APBA1: variants seen among roughly 807,000 people sequenced by gnomAD.
APBA1 encodes amyloid beta precursor protein binding family A member 1, also known as amyloid-beta A4 precursor protein-binding family A member 1.
A neutral mutation model predicts 86.6 loss-of-function variants in APBA1; 55 were observed. The ratio of observed to expected loss-of-function variants is 0.64; its 90% confidence interval spans 0.51 to 0.80. The LOEUF (loss-of-function observed/expected upper bound fraction) is 0.80, where lower values mean the gene tolerates loss of function less well. Ranked by LOEUF, APBA1 falls within the 30% of genes least tolerant of loss-of-function variation. APBA1 has a pLI of 0.00. For missense variants in APBA1, 1,090 were observed against 1,183.0 expected, an observed-to-expected ratio of 0.92 and a Z score of 1.15; for synonymous variants, 511 against 493.9, an observed-to-expected ratio of 1.03 and a Z score of -0.46.
chr9:69,647,515 T>G (rs1397912804), intron 1 of APBA1, among the ~76,000 whole-genome samples: 1 of 152,216 alleles, frequency 6.6e-6, no homozygotes, highest in Non-Finnish European at 1.5e-5. Flanking sequence ...CTTCCAAATC[T>G]TACACATAAT....
At chr9:69,467,580 G>C (rs1268401855) in intron 5 of APBA1, among the ~76,000 whole-genome samples, 1 of 152,194 alleles carries the variant, frequency 6.6e-6, no homozygotes, top group Non-Finnish European at 1.5e-5. Context: ...TTGTGATCAT[G>C]AGCACTTCTT....
At chr9:69,578,903 T>C (rs947382640) in intron 1 of APBA1, among the ~76,000 whole-genome samples, 5 of 152,172 alleles carry the variant, frequency 3.3e-5, no homozygotes, top group African/African-American at 7.2e-5. Flanking sequence ...TTAGCATATA[T>C]TAGGCACTGA....
intron 2 of APBA1, among the ~76,000 whole-genome samples, chr9:69,493,529 CCTCA>C (rs1835747982): frequency 6.6e-6 from 1 of 152,026 alleles, no homozygotes; most frequent in Non-Finnish European, 1.5e-5. Flanking sequence ...TCTTAAGGTG[CCTCA>C]CTGTCTCCCT....
At chr9:69,606,520 C>A (rs1822477724) in intron 1 of APBA1, among the ~76,000 whole-genome samples, 1 of 106,354 alleles carries the variant, frequency 9.4e-6, no homozygotes, top group Non-Finnish European at 1.7e-5. Flanking sequence ...GAAATGGAGT[C>A]TCGCTCTGTC....
intron 1 of APBA1, among the ~76,000 whole-genome samples, chr9:69,536,630 G>A (rs1001429582): frequency 2.5e-4 from 38 of 150,346 alleles, no homozygotes; most frequent in African/African-American, 9.3e-4. Flanking sequence ...ACTTTGGGAG[G>A]CTGAGGCGGG....
intron 1 of APBA1, among the ~76,000 whole-genome samples, chr9:69,571,730 C>A (rs978003144): frequency 6.6e-6 from 1 of 152,128 alleles, no homozygotes; most frequent in Admixed American, 6.5e-5. Flanking sequence ...AATGCTCATA[C>A]AATATTCCAT....
rs572974303 is a variant in APBA1 at position 69,598,356 on chromosome 9, C to A, written c.-70+73797G>T. ...CTAGGTGACGAGTTAGTGGGTGCAG[C>A]GCACCAGCATGGCACATGTATACAT... On this transcript the variant is annotated intron_variant, in intron 1 of 12. Transcript: ENST00000265381. 2.2e-3 allele frequency among the ~76,000 whole-genome samples: 330 copies of A among 151,922 alleles called. 1 individual carries two copies. The highest frequency in any genetic ancestry group is 7.6e-3 in the African/African-American group (314 of 41,422).
intron 1 of APBA1, among the ~76,000 whole-genome samples, chr9:69,645,061 G>A (rs987415636): frequency 1.3e-5 from 2 of 152,154 alleles, no homozygotes; most frequent in Admixed American, 1.3e-4. Context: ...ATGCTGCCAA[G>A]GTGTCAAGCC....
intron 1 of APBA1, among the ~76,000 whole-genome samples, chr9:69,630,956 T>C (rs1454761716): frequency 6.6e-6 from 1 of 152,228 alleles, no homozygotes; most frequent in Non-Finnish European, 1.5e-5. Context: ...TCAGGGCTTA[T>C]GCTTTTTAAC....
In APBA1 at chr9:69,510,213, T is replaced by C. The variant is rs1212337645; in HGVS notation, c.1200+5798A>G. Among the ~76,000 whole-genome samples the C allele has an allele frequency of 1.0e-2, 1,506 of 150,842 alleles. 24 individuals carry two copies. Among genetic ancestry groups the C allele is most frequent in the African/African-American group, 0.035 (1,412 of 40,890 alleles). Reference sequence around the variant, plus strand: ...AAATCTCCTTAAGCTGATAAGCAACTTCAGCAAAGTCTCAGGATACAAAAT... The same window carrying C: ...AAATCTCCTTAAGCTGATAAGCAACCTCAGCAAAGTCTCAGGATACAAAAT... On this transcript the variant is annotated intron_variant, in intron 2 of 12. Coordinates refer to ENST00000265381, the MANE Select transcript of APBA1 (RefSeq NM_001163.4).
intron 2 of APBA1, among the ~76,000 whole-genome samples, chr9:69,499,507 C>G (rs10511966): frequency 0.38 from 57,157 of 151,858 alleles, 12,307 homozygotes; most frequent in Non-Finnish European, 0.47. Context: ...AAGAATCCTT[C>G]ACAAAAAATG....
rs190749317 is a variant in APBA1, at chr9:69,611,917, T to C, written c.-70+60236A>G. ...GTTTAGTTCACATTAGTTAAGTAAATAATTAACAAATAAGCTAGTTTTAAA... is the reference window on the plus strand; with the variant it reads ...GTTTAGTTCACATTAGTTAAGTAAACAATTAACAAATAAGCTAGTTTTAAA... On this transcript the variant is annotated intron_variant, in intron 1 of 12. Transcript: ENST00000265381. Among the ~76,000 whole-genome samples the C allele has an allele frequency of 2.4e-3, 370 of 152,270 alleles. 2 individuals carry two copies. The highest frequency in any genetic ancestry group is 8.1e-3 in the African/African-American group (337 of 41,582).
intron 1 of APBA1, among the ~76,000 whole-genome samples, chr9:69,524,569 T>C (rs993973489): frequency 4.0e-5 from 6 of 150,076 alleles, no homozygotes; most frequent in African/African-American, 1.5e-4. Context: ...GTTCCAAAAC[T>C]GAATCAGTAA....
Position 69,517,032 on chromosome 9 carries a change from A to G in APBA1, c.179T>C (p.Leu60Pro). 6.3e-7 allele frequency: 1 copy of G among 1,579,178 alleles called. No homozygotes were observed. Among genetic ancestry groups the G allele is most frequent in the South Asian group, 1.1e-5 (1 of 87,766 alleles). The change falls in exon 2 of 13, where the codon CTC becomes CCC. Residue 60 changes from leucine (L) to proline (P), a missense_variant. Transcript: ENST00000265381. ...TTCCTCCTGGCCGAGCTGGGCGCGGAGGTCCTCGAGGGCTCGCCCGCGCTG... is the reference window on the plus strand; with the variant it reads ...TTCCTCCTGGCCGAGCTGGGCGCGGGGGTCCTCGAGGGCTCGCCCGCGCTG... ...RHQRGRALED[L>P]RAQLGQEEEE...
intron 1 of APBA1, among the ~76,000 whole-genome samples, chr9:69,537,042 G>GAT (rs3068202): frequency 0.25 from 37,523 of 147,420 alleles, 4,930 homozygotes; most frequent in Admixed American, 0.27. Context: ...TACGCACTAA[G>GAT]ATATATATAT....
intron 1 of APBA1, among the ~76,000 whole-genome samples, chr9:69,554,832 A>G (rs1469917185): frequency 1.3e-5 from 2 of 152,174 alleles, no homozygotes; most frequent in African/African-American, 2.4e-5. Flanking sequence ...GATTCCAAAG[A>G]TAAGTCTTTT....
chr9:69,635,281 TGTTAA>T (rs201787672), intron 1 of APBA1, among the ~76,000 whole-genome samples: 1,921 of 152,308 alleles, frequency 0.013, 23 homozygotes, highest in African/African-American at 0.038. Context: ...ATGCAATTGG[TGTTAA>T]GTTGTGATCA....
chr9:69,506,325 G>T (rs1402762150), intron 2 of APBA1, among the ~76,000 whole-genome samples: 1 of 146,752 alleles, frequency 6.8e-6, no homozygotes, highest in Non-Finnish European at 1.5e-5. Context: ...CTGGAAAATC[G>T]GGTCACTCCC....
chr9:69,435,651 T>C (rs1489453858), intron 11 of APBA1, among the ~76,000 whole-genome samples: 5 of 152,240 alleles, frequency 3.3e-5, no homozygotes, highest in African/African-American at 1.2e-4. Flanking sequence ...TGTTTTTTTC[T>C]TGTAAATTTG....
Sources: allele counts gnomAD v4.1 joint callset (sites outside exome capture counted in the v4.1 genomes callset), GRCh38; gene constraint gnomAD v4.1.1; transcripts MANE v1.5; gene names NCBI Gene and HGNC (gene_info 2026-07-23, HGNC 2026-07-21).